The following SLC12A6 variants were observed in gnomAD, a reference collection of about 807,000 sequenced individuals.
SLC12A6 encodes the protein solute carrier family 12 member 6.
A neutral mutation model predicts 135.3 loss-of-function variants in SLC12A6; 66 were observed. The observed-to-expected ratio is 0.49, with a 90% CI of 0.40 to 0.60. The LOEUF (loss-of-function observed/expected upper bound fraction) is 0.60. SLC12A6 is among the 20% of genes least tolerant of loss of function. SLC12A6 has a pLI of 0.00. For missense variants in SLC12A6, 1,058 were observed against 1,452.3 expected (o/e 0.73, Z 4.41); for synonymous variants, 513 against 508.8 (o/e 1.01, Z -0.11).
chr15:34,316,013 C>A (rs1373484883), intron 2 of SLC12A6, among the ~76,000 whole-genome samples: 1 of 152,160 alleles, frequency 6.6e-6, no homozygotes, highest in African/African-American at 2.4e-5. Flanking sequence ...ACTGAGCCCA[C>A]AATATTTCCA....
intron 2 of SLC12A6, among the ~76,000 whole-genome samples, chr15:34,293,064 T>G (rs148979407): frequency 6.6e-6 from 1 of 152,078 alleles, no homozygotes; most frequent in Non-Finnish European, 1.5e-5. Context: ...GGTACCTCAG[T>G]TGGAAATGCA....
Position 34,255,411 on chromosome 15 carries a change from G to T in SLC12A6, c.746-19C>A. On this transcript the variant is annotated intron_variant, in intron 7 of 25. Coordinates refer to ENST00000354181, the MANE Select transcript of SLC12A6 (RefSeq NM_001365088.1). ...CCCCCAGCTAAAAGACAAAACAGAA[G>T]GTGAATAGAAGAAAGAGTGTGTATT... 1.3e-6 allele frequency: 2 copies of T among 1,583,016 alleles called. No individual in the cohort carries two copies. Among genetic ancestry groups the T allele is most frequent in the Non-Finnish European group, 1.7e-6 (2 of 1,152,014 alleles).
intron 13 of SLC12A6, among the ~76,000 whole-genome samples, chr15:34,248,161 T>C (rs2140710486): frequency 6.6e-6 from 1 of 152,370 alleles, no homozygotes; most frequent in East Asian, 1.9e-4. Flanking sequence ...CTGTATGGCT[T>C]CCTATTACAT....
intron 2 of SLC12A6, among the ~76,000 whole-genome samples, chr15:34,305,346 A>AG (rs1414554449): frequency 3.3e-5 from 5 of 149,718 alleles, no homozygotes; most frequent in African/African-American, 1.2e-4. Flanking sequence ...TAGCCATGTT[A>AG]GGTGTCCTGA....
intron 2 of SLC12A6, among the ~76,000 whole-genome samples, chr15:34,312,697 G>A (rs1312379095): frequency 6.6e-6 from 1 of 152,120 alleles, no homozygotes; most frequent in Non-Finnish European, 1.5e-5. Flanking sequence ...GTGCTTTATG[G>A]TGCTTCACAG....
At position 34,232,297 on chromosome 15, in the gene SLC12A6, G is replaced by A. The variant is rs1891001613; in HGVS notation, c.*1584C>T. The A allele has an allele frequency of 6.6e-6, 1 of 152,200 alleles. No homozygotes were observed. The highest frequency in any genetic ancestry group is 1.5e-5 in the Non-Finnish European group (1 of 68,078). 9.4% of individuals were successfully genotyped at this position (152,200 alleles called of 1,614,324 possible). ...GGCTGGAGTGCAGAGGTGCAATCCT[G>A]GCTCACTGCAACCTCCGCCTCCTGG... On this transcript the variant is annotated 3_prime_UTR_variant, in exon 26 of 26. Transcript: ENST00000354181.
At chr15:34,271,118 C>T (rs996815530) in intron 3 of SLC12A6, among the ~76,000 whole-genome samples, 1 of 152,142 alleles carries the variant, frequency 6.6e-6, no homozygotes, top group Non-Finnish European at 1.5e-5. Flanking sequence ...TGGGGGGAGA[C>T]ACAGCCAAAC....
rs1891021234 is a variant in SLC12A6 at position 34,232,720 on chromosome 15, A to G, written c.*1161T>C. On this transcript the variant is annotated 3_prime_UTR_variant, in exon 26 of 26. Coordinates refer to ENST00000354181, the MANE Select transcript of SLC12A6 (RefSeq NM_001365088.1). Reference sequence around the variant, plus strand: ...AGGCAAAAGATTTCTTAGTGGTAAAATTTCTTCAACAGGTCAATGCCAATC... The same window carrying G: ...AGGCAAAAGATTTCTTAGTGGTAAAGTTTCTTCAACAGGTCAATGCCAATC... 1 of 152,586 alleles carries G rather than the reference A, an allele frequency of 6.6e-6. No individual in the cohort carries two copies. Among genetic ancestry groups the G allele is most frequent in the African/African-American group, 2.4e-5 (1 of 41,414 alleles). The allele number at this position is 152,586 out of a possible 1,614,324, so 9.5% of individuals were successfully genotyped here.
intron 2 of SLC12A6, among the ~76,000 whole-genome samples, chr15:34,280,372 T>C (rs1245635877): frequency 6.6e-6 from 1 of 152,214 alleles, no homozygotes; most frequent in African/African-American, 2.4e-5. Flanking sequence ...AAGACTGTTA[T>C]GCTACTGGCT....
At chr15:34,327,031 C>T (rs1889516076) in intron 2 of SLC12A6, among the ~76,000 whole-genome samples, 1 of 151,958 alleles carries the variant, frequency 6.6e-6, no homozygotes, top group African/African-American at 2.4e-5. Flanking sequence ...TGCCTAGGTT[C>T]AATCATTATT....
intron 23 of SLC12A6, 99 bp from the exon 24 acceptor site, chr15:34,236,298 G>A: frequency 2.3e-6 from 2 of 853,106 alleles, no homozygotes; most frequent in South Asian, 2.8e-5. Context: ...TGGAATAACT[G>A]ACAGAGTGAG....
intron 16 of SLC12A6, 25 bp from the exon 17 acceptor site, chr15:34,242,246 A>G (rs931608276): frequency 1.2e-5 from 19 of 1,558,830 alleles, no homozygotes; most frequent in Non-Finnish European, 1.6e-5. Flanking sequence ...ACAAAAAAGT[A>G]TCTTTTAAAG....
rs1566829111 is a variant in SLC12A6, at chr15:34,271,515, T to C, written c.316+3830A>G. ...TGCAGAAGACTCGAATTATTTTTCC[T>C]TGGATGCCTGATAAAACTTTTAATA... On this transcript the variant is annotated intron_variant, in intron 3 of 25. Coordinates refer to ENST00000354181, the MANE Select transcript of SLC12A6 (RefSeq NM_001365088.1). Among the ~76,000 whole-genome samples the C allele has an allele frequency of 2.0e-5, 3 of 152,196 alleles. No individual in the cohort carries two copies. In the East Asian group the frequency reaches 5.8e-4, roughly 29 times the overall value.
chr15:34,294,762 C>T (rs1209992953), intron 2 of SLC12A6, among the ~76,000 whole-genome samples: 1 of 152,034 alleles, frequency 6.6e-6, no homozygotes, highest in African/African-American at 2.4e-5. Flanking sequence ...AAATATATCA[C>T]CCAGGCTGGT....
intron 2 of SLC12A6, among the ~76,000 whole-genome samples, chr15:34,317,241 G>A (rs933339958): frequency 3.3e-5 from 5 of 151,944 alleles, no homozygotes; most frequent in African/African-American, 1.2e-4. Context: ...CTCACTAGAA[G>A]GAAAAAACAA....
chr15:34,334,542 T>C (rs538338751), intron 2 of SLC12A6, among the ~76,000 whole-genome samples: 2 of 152,036 alleles, frequency 1.3e-5, no homozygotes, highest in East Asian at 1.9e-4. Context: ...ATGACAGTCA[T>C]CATAAGAATT....
rs183682545 is a variant in SLC12A6, at chr15:34,273,347, T to C, written c.316+1998A>G. 2.0e-5 allele frequency among the ~76,000 whole-genome samples: 3 copies of C among 152,198 alleles called. No individual in the cohort carries two copies. In the East Asian group the frequency reaches 5.8e-4, roughly 29 times the overall value. ...GCCTGGGTGACAGATCAAGACTCCA[T>C]CTCAAAAAAACCAAAAACCAAAAAA... On this transcript the variant is annotated intron_variant, in intron 3 of 25. Transcript: ENST00000354181.
chr15:34,335,525 C>T (rs955393036), intron 2 of SLC12A6, among the ~76,000 whole-genome samples: 2 of 152,170 alleles, frequency 1.3e-5, no homozygotes, highest in African/African-American at 4.8e-5. Context: ...TTAGTTACAA[C>T]ACAGCATAAA....
chr15:34,254,577 G>T lies in SLC12A6; in HGVS notation c.889C>A (p.Pro297Thr). The change falls in exon 9 of 26, where the codon CCC (proline) becomes ACC (threonine). Residue 297 changes from proline to threonine, a missense_variant. By Grantham distance (38) the Pro-to-Thr change is conservative (BLOSUM62 -1). Coordinates refer to ENST00000354181, the MANE Select transcript of SLC12A6 (RefSeq NM_001365088.1). The stretch of plus-strand genomic sequence containing the variant: ...TCACTGTGAAAGATGGCAGCTCGGG[G>T]GACGATATAGACCTGTTAGGTAAAA... ...AIEIFLVYIV[P>T]RAAIFHSDDA... 1 of 1,606,086 alleles carries T rather than the reference G, an allele frequency of 6.2e-7. No homozygotes were observed.
Sources: allele counts gnomAD v4.1 joint callset (sites outside exome capture counted in the v4.1 genomes callset), GRCh38; gene constraint gnomAD v4.1.1; transcripts MANE v1.5; gene names NCBI Gene and HGNC (gene_info 2026-07-23, HGNC 2026-07-21).